The following PPWD1 variants were observed in gnomAD, a reference collection of about 807,000 sequenced individuals.
PPWD1 encodes the protein peptidylprolyl isomerase domain and WD repeat-containing protein 1.
A neutral mutation model predicts 68.8 loss-of-function variants in PPWD1; 43 were observed. That is an observed-to-expected ratio of 0.62 (90% confidence interval 0.49 to 0.81). PPWD1 has a LOEUF of 0.81. Among genes scored for constraint, PPWD1 ranks in the 30% least tolerant of loss-of-function variants. The pLI is 0.00. For synonymous variants in PPWD1, 232 were observed against 258.7 expected (o/e 0.90, Z 0.99); for missense variants, 672 against 804.8 (o/e 0.83, Z 2.00).
chr5:65,571,733 A>G, intron 4 of PPWD1, 106 bp from the exon 5 acceptor site: 1 of 1,480,610 alleles, frequency 6.8e-7, no homozygotes, highest in Non-Finnish European at 8.9e-7. Flanking sequence ...AGGAATCCAA[A>G]ACTGTCTAAA....
chr5:65,576,707 A>T, intron 5 of PPWD1, 172 bp from the exon 6 acceptor site: 2 of 875,732 alleles, frequency 2.3e-6, no homozygotes, highest in Non-Finnish European at 2.7e-6. Flanking sequence ...TGGACTTACT[A>T]ATGTCTATTT....
In PPWD1 at chr5:65,569,528, C is replaced by T. The variant is rs150328237; in HGVS notation, c.300-104C>T. The T allele has an allele frequency of 1.8e-3, 2,275 of 1,280,534 alleles. 17 individuals carry two copies. Among genetic ancestry groups the T allele is most frequent in the Middle Eastern group, 0.017 (73 of 4,380 alleles). The allele number at this position is 1,280,534 out of a possible 1,614,324, so 79.3% of individuals were successfully genotyped here. On this transcript the variant is annotated intron_variant, in intron 2 of 10. Transcript: ENST00000261308. ...AAGAAGGGTTTTTTTTAAAAAAAAACCTATTATGCACAAGTCAGATTCTTA... is the reference window on the plus strand; with the variant it reads ...AAGAAGGGTTTTTTTTAAAAAAAAATCTATTATGCACAAGTCAGATTCTTA...
intron 6 of PPWD1, among the ~76,000 whole-genome samples, chr5:65,578,751 CATATATGTGTATATATATATACAT>C (rs761626603): frequency 0.27 from 37,919 of 138,030 alleles, 5,393 homozygotes; most frequent in African/African-American, 0.36. Context: ...TATATACACA[CATATATGTGTATATATATATACAT>C]ATATATGTGT....
In PPWD1 at chr5:65,563,318, C is replaced by G. The variant is rs764604131; in HGVS notation, c.8C>G (p.Ala3Gly). The G allele has an allele frequency of 2.3e-5, 37 of 1,612,310 alleles. 1 individual carries two copies. The African/African-American group carries it at 4.7e-4, about 20-fold the overall frequency. Residue 3 changes from alanine to glycine, a missense_variant, in exon 1 of 11, where the codon GCG becomes GGG. Transcript: ENST00000261308. Reference protein sequence around the residue: MAAESGSDFQQRR... With the variant: MAGESGSDFQQRR... ...TCTGACGATGCGAACAACATGGCGG[C>G]GGAAAGTGGTAGCGATTTTCAGCAG... is the stretch of plus-strand genomic sequence containing the variant.
At chr5:65,563,961 T>A (rs1752497616) in intron 1 of PPWD1, 1 of 916,650 alleles carries the variant, frequency 1.1e-6, no homozygotes, top group African/African-American at 1.7e-5. Flanking sequence ...TAAAGATAAT[T>A]TCAACTCTGA....
At chr5:65,573,072 TC>T (rs1446982486) in intron 5 of PPWD1, among the ~76,000 whole-genome samples, 3 of 152,146 alleles carry the variant, frequency 2.0e-5, no homozygotes, top group African/African-American at 7.2e-5. Context: ...GTCACCTTTC[TC>T]CCTGCCTTTT....
chr5:65,587,118 G>A (rs143194443), intron 10 of PPWD1, 135 bp from the exon 11 acceptor site: 139 of 990,788 alleles, frequency 1.4e-4, no homozygotes, highest in Non-Finnish European at 1.8e-4. Context: ...TTATTGCTGA[G>A]AAATTATTGT....
At position 65,579,620 on chromosome 5, in the gene PPWD1, G is replaced by GT. The variant is rs1236233035; in HGVS notation, c.1350+8dup. 1 of 1,523,154 alleles carries GT rather than the reference G, an allele frequency of 6.6e-7. No individual in the cohort carries two copies. The highest frequency in any genetic ancestry group is 8.8e-7 in the Non-Finnish European group (1 of 1,136,268). 94.4% of individuals were successfully genotyped at this position (1,523,154 alleles called of 1,614,324 possible). A position where few individuals can be genotyped will look rare whatever the true frequency, so the allele number is the denominator to read the frequency against. On this transcript the variant is annotated splice_region_variant and intron_variant, in intron 7 of 10. Transcript: ENST00000261308. ...AAAGAATAGATTTTATATGGTATGT[G>GT]TAAGTACTAGGAGATTAGACGGTAA... is the stretch of plus-strand genomic sequence containing the variant.
chr5:65,575,395 TAAC>T (rs1753234850), intron 5 of PPWD1, among the ~76,000 whole-genome samples: 1 of 152,226 alleles, frequency 6.6e-6, no homozygotes, highest in Admixed American at 6.5e-5. Context: ...CAAGAAAACC[TAAC>T]AACTAGGCTT....
At position 65,586,193 on chromosome 5, in the gene PPWD1, A is replaced by C; in HGVS notation, c.1797+12A>C. 1.2e-6 allele frequency: 2 copies of C among 1,602,578 alleles called. No individual in the cohort carries two copies. Among genetic ancestry groups the C allele is most frequent in the East Asian group, 4.5e-5 (2 of 44,768 alleles). Reference sequence around the variant, plus strand: ...CGGTAGTACCAACGGTAAGTACAGTATCATTGTTTATAAACTACAGATTGA... The same window carrying C: ...CGGTAGTACCAACGGTAAGTACAGTCTCATTGTTTATAAACTACAGATTGA... On this transcript the variant is annotated intron_variant, in intron 10 of 10. Transcript: ENST00000261308.
intron 1 of PPWD1, among the ~76,000 whole-genome samples, chr5:65,564,204 T>A (rs1197245245): frequency 6.6e-6 from 1 of 152,238 alleles, no homozygotes; most frequent in Non-Finnish European, 1.5e-5. Flanking sequence ...ATCTTGTTTT[T>A]CTGTGAAATG....
intron 5 of PPWD1, among the ~76,000 whole-genome samples, chr5:65,575,151 C>G (rs1283338006): frequency 6.6e-6 from 1 of 152,148 alleles, no homozygotes; most frequent in Non-Finnish European, 1.5e-5. Context: ...GTCTAGAGCA[C>G]TCTGAAAAAG....
rs752343142 is a variant in PPWD1, at chr5:65,579,491, G to C, written c.1228G>C (p.Ala410Pro). 3 of 1,608,620 alleles carry C rather than the reference G, an allele frequency of 1.9e-6. No homozygotes were observed. Among genetic ancestry groups the C allele is most frequent in the Admixed American group, 3.4e-5 (2 of 58,908 alleles). The stretch of plus-strand genomic sequence containing the variant: ...GCAATTGGCTTTGTTCCAGGGGATA[G>C]CCAAAAAGCATCGTGCTGCAACTAC... The part of the protein sequence containing the change: ...VMQLALFQGI[A>P]KKHRAATTIE... Residue 410 changes from alanine (A) to proline (P), a missense_variant, in exon 7 of 11, where the codon GCC becomes CCC. Coordinates refer to ENST00000261308, the MANE Select transcript of PPWD1 (RefSeq NM_015342.4).
intron 8 of PPWD1, among the ~76,000 whole-genome samples, chr5:65,583,692 T>C (rs1753697602): frequency 1.3e-5 from 2 of 152,216 alleles, no homozygotes; most frequent in African/African-American, 4.8e-5. Context: ...CACGCACTTG[T>C]AATCCCAGCT....
At chr5:65,573,330 C>CA (rs1224987752) in intron 5 of PPWD1, among the ~76,000 whole-genome samples, 1 of 148,230 alleles carries the variant, frequency 6.7e-6, no homozygotes, top group East Asian at 1.9e-4. Flanking sequence ...TTTTCTGAGA[C>CA]AGAGTTGCAC....
chr5:65,564,078 C>G, intron 1 of PPWD1: 1 of 536,326 alleles, frequency 1.9e-6, no homozygotes, highest in East Asian at 2.9e-5. Context: ...AAATCACGCT[C>G]TTGATACGAT....
intron 8 of PPWD1, 136 bp from the exon 9 acceptor site, chr5:65,584,878 G>GA (rs10682457): frequency 0.064 from 73,085 of 1,134,130 alleles, 2,142 homozygotes; most frequent in African/African-American, 0.28. Flanking sequence ...TAGAGATTAT[G>GA]AAAAAAAAAA....
rs199948689 is a variant in PPWD1 at position 65,563,335 on chromosome 5, T to G, written c.25T>G (p.Phe9Val). MAAESGSD[F>V]QQRRRRRRDP... ...CATGGCGGCGGAAAGTGGTAGCGAT[T>G]TTCAGCAGAGACGTAGAAGGCGCCG... The change falls in exon 1 of 11, where the codon TTT becomes GTT. Residue 9 changes from phenylalanine to valine, a missense_variant. Physicochemically the swap from Phe to Val is conservative, Grantham distance 50. Transcript: ENST00000261308. 1.9e-6 allele frequency: 3 copies of G among 1,613,658 alleles called. No homozygotes were observed. Among genetic ancestry groups the G allele is most frequent in the East Asian group, 2.2e-5 (1 of 44,856 alleles).
chr5:65,563,543 C>A (rs748458431), intron 1 of PPWD1, 37 bp downstream of exon 1: 1 of 1,571,544 alleles, frequency 6.4e-7, no homozygotes, highest in South Asian at 1.2e-5. Flanking sequence ...AATTGGAGTG[C>A]TGCGTCCGCT....
Sources: allele counts gnomAD v4.1 joint callset (sites outside exome capture counted in the v4.1 genomes callset), GRCh38; gene constraint gnomAD v4.1.1; transcripts MANE v1.5; gene names NCBI Gene and HGNC (gene_info 2026-07-23, HGNC 2026-07-21).